Variants in KLHL32 observed in about 807,000 individuals in gnomAD.
KLHL32 encodes the protein kelch like family member 32, also known as kelch-like protein 32.
A neutral mutation model predicts 64.8 loss-of-function variants in KLHL32; 35 were observed. That is an observed-to-expected ratio of 0.54 (90% CI 0.41 to 0.72). The LOEUF is 0.72. Among genes scored for constraint, KLHL32 ranks in the 30% least tolerant of loss-of-function variants. KLHL32 has a pLI of 0.00. For synonymous variants in KLHL32, 259 were observed against 281.0 expected, an observed-to-expected ratio of 0.92 and a Z score of 0.78; for missense variants, 589 against 768.5, an observed-to-expected ratio of 0.77 and a Z score of 2.76.
chr6:97,112,378 T>C (rs879056531), intron 6 of KLHL32, among the ~76,000 whole-genome samples: 3 of 152,178 alleles, frequency 2.0e-5, no homozygotes, highest in African/African-American at 4.8e-5. Context: ...TTTGCCAAAC[T>C]TAACTATTAA....
rs550936164 is a variant in KLHL32 at position 97,020,497 on chromosome 6, T to C, written c.205-20995T>C. On this transcript the variant is annotated intron_variant, in intron 3 of 10. Transcript: ENST00000369261. The stretch of plus-strand genomic sequence containing the variant: ...AGCACACATTTTGTCAGAAAGGCAA[T>C]GGGCCTAGATTTTTTTCCTACTAGT... 1.0e-3 allele frequency among the ~76,000 whole-genome samples: 155 copies of C among 150,788 alleles called. 13 individuals carry two copies. Among genetic ancestry groups the C allele is most frequent in the African/African-American group, 3.6e-3 (146 of 40,154 alleles).
chr6:97,011,592 C>T (rs1294756136), intron 3 of KLHL32, among the ~76,000 whole-genome samples: 1 of 152,128 alleles, frequency 6.6e-6, no homozygotes, highest in Non-Finnish European at 1.5e-5. Context: ...ACTCTATAAA[C>T]TCATCTAAAA....
chr6:97,136,161 T>C (rs1028592565), intron 10 of KLHL32, among the ~76,000 whole-genome samples: 1 of 152,240 alleles, frequency 6.6e-6, no homozygotes, highest in South Asian at 2.1e-4. Flanking sequence ...TAAATAGTTC[T>C]GAGATTGTTC....
At chr6:96,939,321 A>C (rs1430556751) in intron 1 of KLHL32, among the ~76,000 whole-genome samples, 2 of 152,250 alleles carry the variant, frequency 1.3e-5, no homozygotes, top group African/African-American at 4.8e-5. Flanking sequence ...GTCAAGTGTC[A>C]GGCATTATGC....
intron 3 of KLHL32, among the ~76,000 whole-genome samples, chr6:97,007,449 C>T (rs79159123): frequency 0.013 from 1,957 of 152,192 alleles, 19 homozygotes; most frequent in Non-Finnish European, 0.022. Flanking sequence ...TATGGATGAT[C>T]TTTGTTCCTA....
rs1800502902 is a variant in KLHL32, at chr6:97,139,968, A to G, written c.*686A>G. On this transcript the variant is annotated 3_prime_UTR_variant, in exon 11 of 11. Transcript: ENST00000369261. ...TTCCACGTTAATTTAAAAGAACATT[A>G]TGAGGATTAGGCGAACACTTTGTAA... 1 of 152,206 alleles carries G rather than the reference A, an allele frequency of 6.6e-6. No homozygotes were observed. Among genetic ancestry groups the G allele is most frequent in the African/African-American group, 2.4e-5 (1 of 41,466 alleles). The allele number at this position is 152,206 out of a possible 1,614,324, so 9.4% of individuals were successfully genotyped here. A position where few individuals can be genotyped will look rare whatever the true frequency, so the allele number is the denominator to read the frequency against.
chr6:97,003,496 T>C (rs1393682655), intron 3 of KLHL32, among the ~76,000 whole-genome samples: 1 of 152,220 alleles, frequency 6.6e-6, no homozygotes, highest in East Asian at 1.9e-4. Flanking sequence ...CTATTTAGTT[T>C]AATTAGTCAT....
intron 3 of KLHL32, among the ~76,000 whole-genome samples, chr6:97,036,341 T>A (rs1784288626): frequency 6.6e-6 from 1 of 152,232 alleles, no homozygotes; most frequent in African/African-American, 2.4e-5. Context: ...AATAATTTTG[T>A]CAGGCAATTC....
chr6:97,116,723 G>A (rs773918382), intron 7 of KLHL32, among the ~76,000 whole-genome samples: 9 of 152,228 alleles, frequency 5.9e-5, no homozygotes, highest in Non-Finnish European at 1.2e-4. Context: ...TCTTAGACTC[G>A]CTAGATCCGT....
chr6:97,055,511 T>G (rs1787653341), intron 4 of KLHL32, among the ~76,000 whole-genome samples: 1 of 152,148 alleles, frequency 6.6e-6, no homozygotes, highest in Non-Finnish European at 1.5e-5. Flanking sequence ...TAAGAATCCT[T>G]TTCTTGCCAG....
intron 1 of KLHL32, among the ~76,000 whole-genome samples, chr6:96,952,166 G>A (rs933570114): frequency 1.3e-5 from 2 of 152,164 alleles, no homozygotes; most frequent in Non-Finnish European, 2.9e-5. Flanking sequence ...GCCCTGAGCT[G>A]CTAGGATGGG....
intron 7 of KLHL32, among the ~76,000 whole-genome samples, chr6:97,125,677 G>A (rs559929797): frequency 1.3e-5 from 2 of 152,208 alleles, no homozygotes; most frequent in African/African-American, 4.8e-5. Context: ...GTGCAAATTG[G>A]TGTCTATCAC....
intron 5 of KLHL32, among the ~76,000 whole-genome samples, chr6:97,065,778 C>A (rs1398422058): frequency 1.3e-5 from 2 of 152,120 alleles, no homozygotes; most frequent in Non-Finnish European, 2.9e-5. Flanking sequence ...TCATTGACTT[C>A]TGTTACCTCT....
At chr6:96,951,884 T>C (rs1772667787) in intron 1 of KLHL32, among the ~76,000 whole-genome samples, 3 of 152,090 alleles carry the variant, frequency 2.0e-5, no homozygotes. Flanking sequence ...GGTCCTGGAG[T>C]AGCGTTGTTT....
At chr6:97,080,461 G>A (rs143929658) in intron 5 of KLHL32, among the ~76,000 whole-genome samples, 148 of 152,334 alleles carry the variant, frequency 9.7e-4, no homozygotes, top group African/African-American at 3.4e-3. Context: ...GGACACACAA[G>A]GCATGAGACA....
At chr6:97,048,044 A>G (rs1766523) in intron 4 of KLHL32, among the ~76,000 whole-genome samples, 26,068 of 152,204 alleles carry the variant, frequency 0.17, 2,592 homozygotes, top group African/African-American at 0.29. Context: ...CCTTACATGT[A>G]GTGGAGGAAG....
At chr6:97,008,870 G>T (rs1240933444) in intron 3 of KLHL32, among the ~76,000 whole-genome samples, 1 of 151,968 alleles carries the variant, frequency 6.6e-6, no homozygotes, top group African/African-American at 2.4e-5. Context: ...CCTGTCTCTT[G>T]ATGGGAGATG....
chr6:97,112,819 A>T (rs1797336164), intron 6 of KLHL32, among the ~76,000 whole-genome samples: 1 of 150,142 alleles, frequency 6.7e-6, no homozygotes, highest in African/African-American at 2.4e-5. Flanking sequence ...ATCATAAATA[A>T]CAAAATGAAA....
At chr6:96,967,216 G>A (rs932001810) in intron 2 of KLHL32, 133 bp downstream of exon 2, 7 of 727,916 alleles carry the variant, frequency 9.6e-6, no homozygotes, top group Non-Finnish European at 1.4e-5. Flanking sequence ...CAGAGCTTTT[G>A]TGAATTTACT....
Sources: gnomAD v4.1 joint callset for allele counts (sites outside exome capture counted in the v4.1 genomes callset) on GRCh38, gnomAD v4.1.1 for gene constraint, MANE v1.5 for transcripts, NCBI Gene and HGNC (gene_info 2026-07-23, HGNC 2026-07-21) for gene names.